Variants in CACHD1 observed in about 807,000 individuals in gnomAD.
CACHD1 encodes the protein cache domain containing 1.
A neutral mutation model predicts 138.7 loss-of-function variants in CACHD1; 71 were observed. That is an observed-to-expected ratio of 0.51 (90% CI 0.42 to 0.62). The LOEUF (loss-of-function observed/expected upper bound fraction) is 0.62. CACHD1 is among the 20% of genes least tolerant of loss of function. The pLI is 0.00. For missense variants in CACHD1, 1,389 were observed against 1,625.3 expected, an observed-to-expected ratio of 0.85 and a Z score of 2.50; for synonymous variants, 578 against 591.5, an observed-to-expected ratio of 0.98 and a Z score of 0.33.
rs3002625 is a variant in CACHD1, at chr1:64,681,542, T to G, written c.3484+207T>G. Among the ~76,000 whole-genome samples the G allele has an allele frequency of 4.0e-3, 226 of 56,016 alleles. 2 individuals carry two copies. Among genetic ancestry groups the G allele is most frequent in the East Asian group, 0.017 (9 of 542 alleles). 36.7% of individuals were successfully genotyped at this position (56,016 alleles called of 152,430 possible). A position where few individuals can be genotyped will look rare whatever the true frequency, so the allele number is the denominator to read the frequency against. Reference sequence around the variant, plus strand: ...GAGAATCTCAAAAGATTTTATTGTGTTTTTTTTTTTTTTTTTTTTTTTGCA... The same window carrying G: ...GAGAATCTCAAAAGATTTTATTGTGGTTTTTTTTTTTTTTTTTTTTTTGCA... On this transcript the variant is annotated intron_variant, in intron 25 of 26. Transcript: ENST00000651257.
Position 64,470,976 on chromosome 1 carries a change from C to T in CACHD1, c.198+34C>T, listed in dbSNP as rs866270383. The T allele has an allele frequency of 6.4e-7, 1 of 1,552,140 alleles. No homozygotes were observed. Among genetic ancestry groups the T allele is most frequent in the Middle Eastern group, 1.7e-4 (1 of 5,838 alleles). The stretch of plus-strand genomic sequence containing the variant: ...CCCCCGAGCTGGCCAGACATCCCGC[C>T]TTTCTCCTTTGCTCAAACTCCCATC... On this transcript the variant is annotated intron_variant, in intron 1 of 26. Transcript: ENST00000651257. The surrounding 1 kb of genome is among the most constrained non-coding windows in gnomAD (Gnocchi z 5.2).
In CACHD1 at chr1:64,629,627, A is replaced by G; in HGVS notation, c.644+146A>G. 3 of 1,025,694 alleles carry G rather than the reference A, an allele frequency of 2.9e-6. No homozygotes were observed. In the South Asian group the frequency reaches 6.5e-5, roughly 22 times the overall value. The allele number at this position is 1,025,694 out of a possible 1,614,324, so 63.5% of individuals were successfully genotyped here. On this transcript the variant is annotated intron_variant, in intron 5 of 26. Transcript: ENST00000651257. Reference sequence around the variant, plus strand: ...TTGTTCTGAAATGAATTCACCATTTAGTATATGTGGATGTGAAATTCCAGG... The same window carrying G: ...TTGTTCTGAAATGAATTCACCATTTGGTATATGTGGATGTGAAATTCCAGG...
chr1:64,485,986 G>T (rs1646239554), intron 1 of CACHD1, among the ~76,000 whole-genome samples: 11 of 152,164 alleles, frequency 7.2e-5, no homozygotes, highest in Admixed American at 7.2e-4. Flanking sequence ...CACCAGCAAT[G>T]TATGAAAGTC....
chr1:64,651,198 T>C (rs986443332), intron 9 of CACHD1, among the ~76,000 whole-genome samples: 2 of 152,184 alleles, frequency 1.3e-5, no homozygotes, highest in Non-Finnish European at 2.9e-5. Flanking sequence ...AGAGACTGTG[T>C]AGCCCACAAA....
intron 2 of CACHD1, among the ~76,000 whole-genome samples, chr1:64,552,833 C>T (rs557006840): frequency 6.6e-6 from 1 of 152,266 alleles, no homozygotes; most frequent in South Asian, 2.1e-4. Flanking sequence ...ATGTTTTCAT[C>T]AGATACAGGA....
In CACHD1 at chr1:64,679,713, T is replaced by C; in HGVS notation, c.3363T>C (p.Ile1121=). The change falls in exon 24 of 27, where the codon ATT becomes ATC. Residue 1121 remains isoleucine (I), a synonymous_variant. Transcript: ENST00000651257. ...VLAVYAYRHQ[I]HRRSHQHMSP... is the part of the protein sequence containing the mutation. ...CGGTGTATGCCTACCGCCACCAGAT[T>C]CATCGCCGGAGCCATCAGCATATGT... The C allele has an allele frequency of 6.2e-7, 1 of 1,614,158 alleles. No homozygotes were observed. The highest frequency in any genetic ancestry group is 8.5e-7 in the Non-Finnish European group (1 of 1,180,024).
chr1:64,608,997 C>T (rs1467169642), intron 4 of CACHD1, among the ~76,000 whole-genome samples: 1 of 152,132 alleles, frequency 6.6e-6, no homozygotes, highest in Non-Finnish European at 1.5e-5. Flanking sequence ...ATCTTGGTAA[C>T]ATTGCAGTCT....
Position 64,551,193 on chromosome 1 carries a change from T to G in CACHD1, c.261+537T>G, listed in dbSNP as rs868674450. Among the ~76,000 whole-genome samples, 4 of 152,178 alleles carry G rather than the reference T, an allele frequency of 2.6e-5. No individual in the cohort carries two copies. In the South Asian group the frequency reaches 8.3e-4, roughly 32 times the overall value. On this transcript the variant is annotated intron_variant, in intron 2 of 26. Transcript: ENST00000651257. The stretch of plus-strand genomic sequence containing the variant: ...AGAAGCAGCTCATTGGATGTTGGCT[T>G]CTTTTGTTCTTTTCTTTTTCTTTCC...
At chr1:64,675,638 C>A in intron 20 of CACHD1, 77 bp downstream of exon 20, 1 of 1,487,448 alleles carries the variant, frequency 6.7e-7, no homozygotes, top group South Asian at 1.3e-5. Context: ...TTTTGAAGTG[C>A]AAAATAAACA....
chr1:64,684,363 C>CTTTTT (rs397980387), intron 26 of CACHD1, among the ~76,000 whole-genome samples: 97 of 54,898 alleles, frequency 1.8e-3, no homozygotes, highest in East Asian at 8.4e-3. Context: ...TCTTCTTCTT[C>CTTTTT]TTTTTTTTTT....
intron 3 of CACHD1, among the ~76,000 whole-genome samples, chr1:64,595,234 A>G (rs576284189): frequency 6.6e-6 from 1 of 152,160 alleles, no homozygotes; most frequent in South Asian, 2.1e-4. Context: ...GAGGGGAGAG[A>G]ACACACCCAA....
chr1:64,647,120 G>A (rs980792770), intron 8 of CACHD1, among the ~76,000 whole-genome samples: 3 of 149,470 alleles, frequency 2.0e-5, no homozygotes, highest in African/African-American at 7.4e-5. Context: ...TACAGATGTT[G>A]TAGAATAATA....
intron 1 of CACHD1, among the ~76,000 whole-genome samples, chr1:64,543,978 C>A (rs1051363118): frequency 6.6e-6 from 1 of 150,876 alleles, no homozygotes. Context: ...AGTCACCACA[C>A]CCAGCCCCAT....
At chr1:64,474,398 G>T (rs1034914795) in intron 1 of CACHD1, among the ~76,000 whole-genome samples, 3 of 152,180 alleles carry the variant, frequency 2.0e-5, no homozygotes, top group Non-Finnish European at 4.4e-5. Context: ...TCTGCCATTT[G>T]CAAGTTGGGT....
chr1:64,673,539 G>A (rs1229434051), intron 19 of CACHD1, 75 bp downstream of exon 19: 4 of 1,165,884 alleles, frequency 3.4e-6, no homozygotes, highest in African/African-American at 3.0e-5. Context: ...CATGGCTAGT[G>A]TCTGAATATT....
At chr1:64,489,330 A>G (rs1646260848) in intron 1 of CACHD1, among the ~76,000 whole-genome samples, 1 of 152,000 alleles carries the variant, frequency 6.6e-6, no homozygotes, top group South Asian at 2.1e-4. Context: ...TGTGGATGTG[A>G]TTTTGAAGAA....
Position 64,666,736 on chromosome 1 carries a change from C to T in CACHD1, c.2387+569C>T, listed in dbSNP as rs1570466442. On this transcript the variant is annotated intron_variant, in intron 16 of 26. Coordinates refer to ENST00000651257, the MANE Select transcript of CACHD1 (RefSeq NM_020925.4). ...TACAAAAATAAAATAATTAATCAGG[C>T]ATGATGGGGCACACTTGTATTCCTA... Among the ~76,000 whole-genome samples, 4 of 150,450 alleles carry T rather than the reference C, an allele frequency of 2.7e-5. No homozygotes were observed. In the South Asian group the frequency reaches 8.4e-4, roughly 32 times the overall value.
chr1:64,627,019 T>C (rs1028603125), intron 4 of CACHD1, among the ~76,000 whole-genome samples: 1 of 152,010 alleles, frequency 6.6e-6, no homozygotes, highest in African/African-American at 2.4e-5. Context: ...TCATGAAAAG[T>C]TGATCAAAGC....
At position 64,611,689 on chromosome 1, in the gene CACHD1, C is replaced by T. The variant is rs770664419; in HGVS notation, c.517+8777C>T. On this transcript the variant is annotated intron_variant, in intron 4 of 26. Transcript: ENST00000651257. ...TCCATATCACTGTCAGCATTTTGGT[C>T]CAAGCCATTCAACAAGTCTCTAGGA... Among the ~76,000 whole-genome samples the T allele has an allele frequency of 2.1e-4, 32 of 152,316 alleles. 1 individual carries two copies. Among genetic ancestry groups the T allele is most frequent in the Non-Finnish European group, 3.4e-4 (23 of 68,020 alleles).
Sources: allele counts gnomAD v4.1 joint callset (sites outside exome capture counted in the v4.1 genomes callset), GRCh38; gene constraint gnomAD v4.1.1; non-coding constraint Gnocchi (gnomAD v3.1); transcripts MANE v1.5; gene names NCBI Gene and HGNC (gene_info 2026-07-23, HGNC 2026-07-21).